The following POLR2D variants were observed in gnomAD, a reference collection of about 807,000 sequenced individuals.
POLR2D encodes the protein RNA polymerase II subunit D.
Under a neutral mutation model 17.6 loss-of-function variants are expected in POLR2D, and 10 were observed. The observed-to-expected ratio is 0.57, with a 90% CI of 0.35 to 0.96. POLR2D has a LOEUF of 0.96. Ranked by LOEUF, POLR2D falls within the 40% of genes least tolerant of loss-of-function variation. The probability of loss-of-function intolerance (pLI) is 0.02; values close to 1 mark genes in which losing one functional copy is unlikely to be tolerated. For missense variants in POLR2D, 126 were observed against 176.4 expected (o/e 0.71, Z 1.62); for synonymous variants, 52 against 60.2 (o/e 0.86, Z 0.63).
intron 3 of POLR2D, among the ~76,000 whole-genome samples, chr2:127,848,663 C>G (rs1454296632): frequency 6.6e-6 from 1 of 152,146 alleles, no homozygotes; most frequent in African/African-American, 2.4e-5. Flanking sequence ...ACTGCAGGTG[C>G]CCGCCACCAC....
In POLR2D at chr2:127,845,220, A is replaced by G. The variant is rs1004733298; in HGVS notation, c.*2887T>C. ...ATCAGCACATGTAAGTGCCTCTCTC[A>G]AGAAATAATTCTGCAGTACTCACTT... On this transcript the variant is annotated 3_prime_UTR_variant, in exon 4 of 4. Transcript: ENST00000272645. 6.6e-6 allele frequency: 1 copy of G among 152,156 alleles called. No homozygotes were observed. Among genetic ancestry groups the G allele is most frequent in the Non-Finnish European group, 1.5e-5 (1 of 68,050 alleles). The allele number at this position is 152,156 out of a possible 1,614,324, so 9.4% of individuals were successfully genotyped here.
chr2:127,857,777 C>T, intron 1 of POLR2D: 2 of 1,288,454 alleles, frequency 1.6e-6, no homozygotes, highest in Non-Finnish European at 2.0e-6. Context: ...ACCTGAGTGT[C>T]CGGCTTTGTT....
chr2:127,852,894 G>A lies in POLR2D; in HGVS notation c.254+31C>T. ...TCTACATGCAGTTGTCCAATGGTTT[G>A]GATTAATAAAAACTTTCTTTTAGCA... On this transcript the variant is annotated intron_variant, in intron 2 of 3. Transcript: ENST00000272645. The surrounding 1 kb of genome is among the most constrained non-coding windows in gnomAD (Gnocchi z 4.0). The A allele has an allele frequency of 6.6e-7, 1 of 1,510,298 alleles. No homozygotes were observed. The highest frequency in any genetic ancestry group is 9.2e-7 in the Non-Finnish European group (1 of 1,090,558). The allele number at this position is 1,510,298 out of a possible 1,614,324, so 93.6% of individuals were successfully genotyped here.
Position 127,845,373 on chromosome 2 carries a change from C to CTTTTTTTTTTTTTTTTT in POLR2D, c.*2717_*2733dup, listed in dbSNP as rs397871322. 6.2e-5 allele frequency: 7 copies of CTTTTTTTTTTTTTTTTT among 113,616 alleles called. No individual in the cohort carries two copies. Among genetic ancestry groups the CTTTTTTTTTTTTTTTTT allele is most frequent in the African/African-American group, 2.6e-4 (7 of 26,518 alleles). The allele number at this position is 113,616 out of a possible 1,614,324, so 7.0% of individuals were successfully genotyped here. A position where few individuals can be genotyped will look rare whatever the true frequency, so the allele number is the denominator to read the frequency against. On this transcript the variant is annotated 3_prime_UTR_variant, in exon 4 of 4. Coordinates refer to ENST00000272645, the MANE Select transcript of POLR2D (RefSeq NM_004805.4). ...CTGTAGATTTGGGTAAGCAATTTCA[C>CTTTTTTTTTTTTTTTTT]TTTTTTTTTTTTTTTTTTTTTGAGA... is the stretch of plus-strand genomic sequence containing the variant.
At position 127,844,549 on chromosome 2, in the gene POLR2D, C is replaced by G. The variant is rs905383890; in HGVS notation, c.*3558G>C. ...TTTTCAATAGCAATATGCTGTCCAG[C>G]CCTGTAAACAATTTTTGACTGTCTT... On this transcript the variant is annotated 3_prime_UTR_variant, in exon 4 of 4. Transcript: ENST00000272645. 1 of 152,204 alleles carries G rather than the reference C, an allele frequency of 6.6e-6. No homozygotes were observed. The highest frequency in any genetic ancestry group is 1.5e-5 in the Non-Finnish European group (1 of 68,054). 9.4% of individuals were successfully genotyped at this position (152,204 alleles called of 1,614,324 possible).
chr2:127,848,581 A>T (rs1274790464), intron 3 of POLR2D, among the ~76,000 whole-genome samples: 42 of 152,126 alleles, frequency 2.8e-4, no homozygotes, highest in Admixed American at 2.8e-3. Flanking sequence ...CAGTGGCGCA[A>T]TCTCGGCTCA....
chr2:127,857,713 G>A, intron 1 of POLR2D: 1 of 805,238 alleles, frequency 1.2e-6, no homozygotes, highest in Non-Finnish European at 1.6e-6. Context: ...GGTTCACGCT[G>A]GGCTCTTTTC....
At chr2:127,853,314 C>T (rs1362685911) in intron 1 of POLR2D, among the ~76,000 whole-genome samples, 1 of 152,042 alleles carries the variant, frequency 6.6e-6, no homozygotes, top group Non-Finnish European at 1.5e-5. Context: ...GAAGGTTTGG[C>T]GAACAGACTA....
Position 127,848,047 on chromosome 2 carries a change from T to C in POLR2D, c.*60A>G. The C allele has an allele frequency of 9.1e-7, 1 of 1,094,328 alleles. No individual in the cohort carries two copies. The highest frequency in any genetic ancestry group is 1.4e-6 in the Non-Finnish European group (1 of 705,812). 67.8% of individuals were successfully genotyped at this position (1,094,328 alleles called of 1,614,324 possible). On this transcript the variant is annotated 3_prime_UTR_variant, in exon 4 of 4. Transcript: ENST00000272645. ...TTCTGTGCAAGTCAGCCCCAGACAG[T>C]GGGAAGGTGGTGTTATGCCTGGGGA...
intron 3 of POLR2D, among the ~76,000 whole-genome samples, chr2:127,850,140 C>G (rs1325992165): frequency 6.6e-6 from 1 of 151,992 alleles, no homozygotes; most frequent in Non-Finnish European, 1.5e-5. Flanking sequence ...TTCTCACACA[C>G]TGTTAAAAGG....
In POLR2D at chr2:127,844,125, A is replaced by AAAAAAAAAAAAAAAC. The variant is rs1400839933; in HGVS notation, c.*3981_*3982insGTTTTTTTTTTTTTT. The AAAAAAAAAAAAAAAC allele has an allele frequency of 1.3e-5, 2 of 148,408 alleles. No individual in the cohort carries two copies. Among genetic ancestry groups the AAAAAAAAAAAAAAAC allele is most frequent in the South Asian group, 2.2e-4 (1 of 4,556 alleles). The allele number at this position is 148,408 out of a possible 1,614,324, so 9.2% of individuals were successfully genotyped here. A position where few individuals can be genotyped will look rare whatever the true frequency, so the allele number is the denominator to read the frequency against. ...CTGTATCCAAAAAAAAAAAAAAAAA[A>AAAAAAAAAAAAAAAC]AGCCTGGTCCTTCCATCCCTTCTAC... On this transcript the variant is annotated 3_prime_UTR_variant, in exon 4 of 4. Coordinates refer to ENST00000272645, the MANE Select transcript of POLR2D (RefSeq NM_004805.4).
chr2:127,856,303 A>AAAAAAAAAAAAAAAAAAAAAT (rs1425267029), intron 1 of POLR2D, among the ~76,000 whole-genome samples: 1 of 144,718 alleles, frequency 6.9e-6, no homozygotes, highest in African/African-American at 2.5e-5. Flanking sequence ...AAAAAAAAAA[A>AAAAAAAAAAAAAAAAAAAAAT]AAAAAAGGCA....
At position 127,852,879 on chromosome 2, in the gene POLR2D, G is replaced by C; in HGVS notation, c.254+46C>G. 1 of 1,323,298 alleles carries C rather than the reference G, an allele frequency of 7.6e-7. No individual in the cohort carries two copies. 82.0% of individuals were successfully genotyped at this position (1,323,298 alleles called of 1,614,324 possible). ...GGGAGGGGACAGCATTCTACATGCA[G>C]TTGTCCAATGGTTTGGATTAATAAA... is the stretch of plus-strand genomic sequence containing the variant. On this transcript the variant is annotated intron_variant, in intron 2 of 3. Transcript: ENST00000272645. The surrounding 1 kb of genome is among the most constrained non-coding windows in gnomAD (Gnocchi z 4.0).
At chr2:127,849,049 CCAGAGTTTTTTTTTGGGA>C (rs1690203068) in intron 3 of POLR2D, among the ~76,000 whole-genome samples, 2 of 151,922 alleles carry the variant, frequency 1.3e-5, no homozygotes, top group African/African-American at 4.8e-5. Flanking sequence ...CCACACCTGG[CCAGAGTTTTTTTTTGGGA>C]CAGAGTGTCG....
intron 3 of POLR2D, among the ~76,000 whole-genome samples, chr2:127,848,701 A>G (rs918565087): frequency 6.6e-6 from 1 of 151,896 alleles, no homozygotes; most frequent in African/African-American, 2.4e-5. Flanking sequence ...TATTTTTAGT[A>G]GAGACAGGGT....
At position 127,844,663 on chromosome 2, in the gene POLR2D, T is replaced by A. The variant is rs1298315278; in HGVS notation, c.*3444A>T. 1 of 152,186 alleles carries A rather than the reference T, an allele frequency of 6.6e-6. No homozygotes were observed. 9.4% of individuals were successfully genotyped at this position (152,186 alleles called of 1,614,324 possible). On this transcript the variant is annotated 3_prime_UTR_variant, in exon 4 of 4. Coordinates refer to ENST00000272645, the MANE Select transcript of POLR2D (RefSeq NM_004805.4). ...TATGAGCTGCTTTTTATTATTTTAT[T>A]TTTTTTCAAGATGGAGTCTCGCTCT... is the stretch of plus-strand genomic sequence containing the variant.
chr2:127,850,595 G>C lies in POLR2D; in HGVS notation c.345C>G (p.Ile115Met). 2.7e-6 allele frequency: 4 copies of C among 1,476,672 alleles called. No individual in the cohort carries two copies. Among genetic ancestry groups the C allele is most frequent in the Non-Finnish European group, 2.8e-6 (3 of 1,069,228 alleles). 91.5% of individuals were successfully genotyped at this position (1,476,672 alleles called of 1,614,324 possible). ...TTATCACAACTGGTACTAACCTTGG[G>C]ATTAGAGCCTTGGACTCCTCAGCAG... ...PETAEESKAL[I>M]PSLEGRFEDE... The change falls in exon 3 of 4, where the codon ATC (isoleucine) becomes ATG (methionine). Residue 115 changes from isoleucine to methionine, a missense_variant. Around this residue, in one of 2 missense-constraint regions of POLR2D, gnomAD observed 85 missense variants for 151.4 expected, o/e 0.56. Coordinates refer to ENST00000272645, the MANE Select transcript of POLR2D (RefSeq NM_004805.4).
chr2:127,856,346 C>G (rs1293168692), intron 1 of POLR2D, among the ~76,000 whole-genome samples: 1 of 134,754 alleles, frequency 7.4e-6, no homozygotes, highest in Admixed American at 8.3e-5. Flanking sequence ...AATCTCAGCA[C>G]TGGGAGGCCA....
rs1690145860 is a variant in POLR2D at position 127,845,900 on chromosome 2, A to G, written c.*2207T>C. 4 of 152,230 alleles carry G rather than the reference A, an allele frequency of 2.6e-5. No individual in the cohort carries two copies. 9.4% of individuals were successfully genotyped at this position (152,230 alleles called of 1,614,324 possible). ...AACCTTCTCAAAATACCCATGGGGC[A>G]GATACTATTATCCATATTTCACAAT... On this transcript the variant is annotated 3_prime_UTR_variant, in exon 4 of 4. Transcript: ENST00000272645.
Sources: allele counts gnomAD v4.1 joint callset (sites outside exome capture counted in the v4.1 genomes callset), GRCh38; gene constraint gnomAD v4.1.1; regional missense constraint gnomAD v4.1.1; non-coding constraint Gnocchi (gnomAD v3.1); transcripts MANE v1.5; gene names NCBI Gene and HGNC (gene_info 2026-07-23, HGNC 2026-07-21).